Variants in NAE1 observed in about 807,000 individuals in gnomAD.
NAE1 encodes NEDD8-activating enzyme E1 regulatory subunit.
Under a neutral mutation model 88.0 loss-of-function variants are expected in NAE1, and 59 were observed. That is an observed-to-expected ratio of 0.67 (90% CI 0.54 to 0.83). The LOEUF is 0.83. Among genes scored for constraint, NAE1 ranks in the 40% least tolerant of loss-of-function variants. The pLI is 0.00. For synonymous variants in NAE1, 186 were observed against 208.9 expected (o/e 0.89, Z 0.95); for missense variants, 554 against 632.8 (o/e 0.88, Z 1.34).
chr16:66,830,948 C>T lies in NAE1; in HGVS notation c.-49G>A. On this transcript the variant is annotated 5_prime_UTR_variant, in exon 1 of 20. Coordinates refer to ENST00000290810, the MANE Select transcript of NAE1 (RefSeq NM_003905.4). ...CAGCCGAGCCCCTGCGGAGCGCCGC[C>T]ACCAGCTCCACAAGCGCGCAGGCGC... 3 of 1,474,750 alleles carry T rather than the reference C, an allele frequency of 2.0e-6. No individual in the cohort carries two copies. The highest frequency in any genetic ancestry group is 1.3e-5 in the South Asian group (1 of 77,754). 91.4% of individuals were successfully genotyped at this position (1,474,750 alleles called of 1,614,324 possible). A position where few individuals can be genotyped will look rare whatever the true frequency, so the allele number is the denominator to read the frequency against.
chr16:66,808,607 C>A lies in NAE1; in HGVS notation c.1244G>T (p.Ser415Ile). ...TATTTCATTATCTGGATTGTCCATG[C>A]TAGAAACTGAAAGGAAAAAAAATTT... ...DTINKDEIIS[S>I]MDNPDNEIVL... The change falls in exon 17 of 20, where the codon AGC (serine) becomes ATC (isoleucine). Residue 415 changes from serine to isoleucine, a missense_variant. By Grantham distance (142) the Ser-to-Ile change is moderately radical. Transcript: ENST00000290810. 4 of 1,599,468 alleles carry A rather than the reference C, an allele frequency of 2.5e-6. No individual in the cohort carries two copies. The highest frequency in any genetic ancestry group is 1.7e-6 in the Non-Finnish European group (2 of 1,173,180).
At chr16:66,815,541 G>T (rs754428829) in intron 11 of NAE1, among the ~76,000 whole-genome samples, 6 of 152,006 alleles carry the variant, frequency 3.9e-5, no homozygotes, top group African/African-American at 9.7e-5. Flanking sequence ...ATTTTTTGTA[G>T]AGACAAGATC....
intron 7 of NAE1, among the ~76,000 whole-genome samples, chr16:66,819,302 C>T (rs1326678067): frequency 1.3e-5 from 2 of 152,150 alleles, no homozygotes; most frequent in Admixed American, 6.5e-5. Context: ...TCTCCAGAAA[C>T]CTGATGGGCA....
At chr16:66,823,736 C>CT in intron 4 of NAE1, 136 bp from the exon 5 acceptor site, 1 of 688,834 alleles carries the variant, frequency 1.5e-6, no homozygotes, top group East Asian at 2.9e-5. Context: ...TGTTTCCCTT[C>CT]TTTTTTCTTT....
chr16:66,806,216 A>C, intron 17 of NAE1, 190 bp from the exon 18 acceptor site: 1 of 566,166 alleles, frequency 1.8e-6, no homozygotes, highest in South Asian at 3.4e-5. Context: ...AAACCTAGTA[A>C]AAATTTGAAT....
At chr16:66,824,961 A>C in intron 3 of NAE1, 76 bp from the exon 4 acceptor site, 1 of 1,291,346 alleles carries the variant, frequency 7.7e-7, no homozygotes, top group Non-Finnish European at 1.1e-6. Flanking sequence ...AATAGCATGC[A>C]TATTTCATTC....
chr16:66,829,504 A>T (rs750879606), intron 1 of NAE1, among the ~76,000 whole-genome samples: 3 of 152,200 alleles, frequency 2.0e-5, no homozygotes, highest in Non-Finnish European at 4.4e-5. Context: ...ACTGTAAAGC[A>T]CAGGAAATGG....
chr16:66,829,544 T>C (rs767002295), intron 1 of NAE1, among the ~76,000 whole-genome samples: 2 of 152,190 alleles, frequency 1.3e-5, no homozygotes, highest in Non-Finnish European at 2.9e-5. Context: ...CAGAACTAAG[T>C]GCCTAAAGCC....
intron 1 of NAE1, 146 bp downstream of exon 1, chr16:66,830,701 G>A (rs1378202491): frequency 2.9e-6 from 2 of 687,748 alleles, no homozygotes; most frequent in Non-Finnish European, 4.4e-6. Flanking sequence ...GGAGCTCCGA[G>A]CGCCGGCTTC....
At chr16:66,824,916 T>C in intron 3 of NAE1, 31 bp from the exon 4 acceptor site, 1 of 1,583,926 alleles carries the variant, frequency 6.3e-7, no homozygotes, top group African/African-American at 1.4e-5. Context: ...GAAAAAAAAG[T>C]AAAGCTTACT....
At chr16:66,825,985 T>C (rs1960449963) in intron 3 of NAE1, 1 of 153,670 alleles carries the variant, frequency 6.5e-6, no homozygotes, top group African/African-American at 2.4e-5. Context: ...GTTTCCCTTA[T>C]ATTTACTCAC....
chr16:66,818,785 C>CTCAGCCTCCCACG, intron 7 of NAE1, 148 bp from the exon 8 acceptor site: 1 of 1,121,990 alleles, frequency 8.9e-7, no homozygotes, highest in Non-Finnish European at 1.2e-6. Flanking sequence ...ATCCTCCCAC[C>CTCAGCCTCCCACG]TCAGCCTCCT....
chr16:66,813,459 T>C (rs1959903278), intron 13 of NAE1, 105 bp downstream of exon 13: 3 of 1,347,892 alleles, frequency 2.2e-6, no homozygotes, highest in African/African-American at 2.9e-5. Flanking sequence ...TTATAAGCAA[T>C]GAGGTTGTAA....
At chr16:66,808,798 G>T in intron 16 of NAE1, 185 bp from the exon 17 acceptor site, 1 of 610,726 alleles carries the variant, frequency 1.6e-6, no homozygotes, top group Non-Finnish European at 2.8e-6. Context: ...ACCTAAATAT[G>T]ACTTTATGCA....
At position 66,816,673 on chromosome 16, in the gene NAE1, C is replaced by T; in HGVS notation, c.749-1G>A. The T allele has an allele frequency of 6.3e-7, 1 of 1,598,308 alleles. No homozygotes were observed. The highest frequency in any genetic ancestry group is 8.6e-7 in the Non-Finnish European group (1 of 1,167,216). ...GCCCCATTTTCATTTTTTAGAATTC[C>T]TATTGTAATGGGAAATTGTTAGCAA... On this transcript the variant is annotated splice_acceptor_variant, in intron 10 of 19. Coordinates refer to ENST00000290810, the MANE Select transcript of NAE1 (RefSeq NM_003905.4). LOFTEE classifies it high-confidence loss of function.
intron 10 of NAE1, 103 bp from the exon 11 acceptor site, chr16:66,816,775 T>C: frequency 7.9e-7 from 1 of 1,269,084 alleles, no homozygotes; most frequent in South Asian, 1.4e-5. Flanking sequence ...TATTAAATCT[T>C]AAGAAGAAAT....
chr16:66,814,820 C>CT (rs1959977064), intron 11 of NAE1, among the ~76,000 whole-genome samples: 2 of 152,152 alleles, frequency 1.3e-5, no homozygotes, highest in African/African-American at 4.8e-5. Flanking sequence ...CCTGCAAGGC[C>CT]TTTATGATCT....
At chr16:66,821,095 G>T (rs1960239363) in intron 7 of NAE1, among the ~76,000 whole-genome samples, 2 of 152,090 alleles carry the variant, frequency 1.3e-5, no homozygotes, top group Non-Finnish European at 2.9e-5. Context: ...GACTGGAGTG[G>T]GGAAAGGTGG....
chr16:66,815,870 C>T (rs562929067), intron 11 of NAE1, among the ~76,000 whole-genome samples: 220 of 151,350 alleles, frequency 1.5e-3, no homozygotes, highest in Middle Eastern at 0.01. Flanking sequence ...ACCATGTTGG[C>T]CAGGCTCGTC....
Sources: gnomAD v4.1 joint callset for allele counts (sites outside exome capture counted in the v4.1 genomes callset) on GRCh38, gnomAD v4.1.1 for gene constraint, MANE v1.5 for transcripts, NCBI Gene and HGNC (gene_info 2026-07-23, HGNC 2026-07-21) for gene names.